NXPH2: variants seen among roughly 807,000 people sequenced by gnomAD.
NXPH2 encodes the protein neurexophilin 2, also known as neurexophilin-2.
Under a neutral mutation model 19.8 loss-of-function variants are expected in NXPH2, and 5 were observed. That is an observed-to-expected ratio of 0.25 (90% CI 0.13 to 0.53). The LOEUF is 0.53. NXPH2 is among the 20% of genes least tolerant of loss of function. The pLI, the probability that NXPH2 is intolerant of heterozygous loss-of-function variation, is 0.96. For synonymous variants in NXPH2, 154 were observed against 127.4 expected (o/e 1.21, Z -1.41); for missense variants, 289 against 322.8 (o/e 0.90, Z 0.80).
At chr2:138,751,655 C>A (rs1335519989) in intron 1 of NXPH2, among the ~76,000 whole-genome samples, 2 of 152,052 alleles carry the variant, frequency 1.3e-5, no homozygotes, top group African/African-American at 4.8e-5. Context: ...TATAATATAA[C>A]CATATTTCCT....
In NXPH2 at chr2:138,713,127, G is replaced by A. The variant is rs886661964; in HGVS notation, c.52-41462C>T. ...CTAAGTCCCAAGGGGCCTCCTTCTG[G>A]GAGAAGCCTGAATTGAAAGGCCATT... On this transcript the variant is annotated intron_variant, in intron 1 of 1. Transcript: ENST00000272641. 3.3e-5 allele frequency among the ~76,000 whole-genome samples: 5 copies of A among 152,280 alleles called. No homozygotes were observed. The South Asian group carries it at 1.0e-3, about 32-fold the overall frequency.
intron 1 of NXPH2, among the ~76,000 whole-genome samples, chr2:138,737,161 G>A (rs1173189467): frequency 2.6e-5 from 4 of 152,070 alleles, no homozygotes; most frequent in African/African-American, 9.7e-5. Context: ...TCTTTTTAGG[G>A]GCATCCTACT....
In NXPH2 at chr2:138,670,842, T is replaced by C; in HGVS notation, c.*80A>G. 1 of 1,440,918 alleles carries C rather than the reference T, an allele frequency of 6.9e-7. No homozygotes were observed. The highest frequency in any genetic ancestry group is 9.3e-7 in the Non-Finnish European group (1 of 1,072,064). The allele number at this position is 1,440,918 out of a possible 1,614,324, so 89.3% of individuals were successfully genotyped here. ...ACTGCCAGAAACAAAAGGGATCCTT[T>C]ATCATAAAGAGCTGGGCTTGTTTCT... On this transcript the variant is annotated 3_prime_UTR_variant, in exon 2 of 2. Coordinates refer to ENST00000272641, the MANE Select transcript of NXPH2 (RefSeq NM_007226.3).
At chr2:138,714,250 T>C (rs931295847) in intron 1 of NXPH2, among the ~76,000 whole-genome samples, 13 of 152,190 alleles carry the variant, frequency 8.5e-5, no homozygotes, top group African/African-American at 3.1e-4. Flanking sequence ...GCAAATAAAA[T>C]CTCAGCATAA....
chr2:138,778,358 C>A (rs10188629), intron 1 of NXPH2, among the ~76,000 whole-genome samples: 70,004 of 151,980 alleles, frequency 0.46, 16,664 homozygotes, highest in African/African-American at 0.57. Context: ...AAAGCAAATC[C>A]ATCAGTCCAT....
chr2:138,780,104 G>T, intron 1 of NXPH2, 87 bp downstream of exon 1: 1 of 1,350,186 alleles, frequency 7.4e-7, no homozygotes, highest in Non-Finnish European at 9.7e-7. Flanking sequence ...AGCAGGCCCA[G>T]GCTGGGCTCC....
At chr2:138,671,732 T>G (rs2104963145) in intron 1 of NXPH2, 67 bp from the exon 2 acceptor site, 1 of 1,448,810 alleles carries the variant, frequency 6.9e-7, no homozygotes, top group Middle Eastern at 1.8e-4. Flanking sequence ...CAAACTGAAG[T>G]CAAAGCGCAA....
chr2:138,724,458 G>T lies in NXPH2; in HGVS notation c.52-52793C>A, dbSNP rs563422291. ...TGTCAAATGGGGTGATTGTATGTGT[G>T]TGTGTGCATGCTTGTGTGCTTACAA... On this transcript the variant is annotated intron_variant, in intron 1 of 1. Coordinates refer to ENST00000272641, the MANE Select transcript of NXPH2 (RefSeq NM_007226.3). Among the ~76,000 whole-genome samples, 10 of 152,372 alleles carry T rather than the reference G, an allele frequency of 6.6e-5. No individual in the cohort carries two copies. The South Asian group carries it at 2.1e-3, about 32-fold the overall frequency.
intron 1 of NXPH2, among the ~76,000 whole-genome samples, chr2:138,776,615 TG>T (rs889561283): frequency 7.7e-5 from 9 of 116,588 alleles, no homozygotes; most frequent in Non-Finnish European, 1.1e-4. Flanking sequence ...GATATAGTGG[TG>T]TTTTTTTTTT....
chr2:138,712,412 G>A lies in NXPH2; in HGVS notation c.52-40747C>T, dbSNP rs115875708. Among the ~76,000 whole-genome samples the A allele has an allele frequency of 7.2e-3, 1,091 of 152,284 alleles. 12 individuals carry two copies. The highest frequency in any genetic ancestry group is 0.024 in the African/African-American group (992 of 41,544). On this transcript the variant is annotated intron_variant, in intron 1 of 1. Transcript: ENST00000272641. Reference sequence around the variant, plus strand: ...AACCTTAGGCCAAAGATCATTTCCTGTTTCTGGACTTCGGAGTTCTGTCCT... The same window carrying A: ...AACCTTAGGCCAAAGATCATTTCCTATTTCTGGACTTCGGAGTTCTGTCCT...
rs143510661 is a variant in NXPH2 at position 138,751,413 on chromosome 2, T to G, written c.51+28778A>C. 7.4e-4 allele frequency among the ~76,000 whole-genome samples: 113 copies of G among 152,308 alleles called. 1 individual carries two copies. The highest frequency in any genetic ancestry group is 2.6e-3 in the African/African-American group (107 of 41,578). ...ACATGAACTACATTATAACATCATCTCAAATAACTATGTGCTTTGAATTGC... is the reference window on the plus strand; with the variant it reads ...ACATGAACTACATTATAACATCATCGCAAATAACTATGTGCTTTGAATTGC... On this transcript the variant is annotated intron_variant, in intron 1 of 1. Coordinates refer to ENST00000272641, the MANE Select transcript of NXPH2 (RefSeq NM_007226.3).
chr2:138,748,917 C>T (rs377049781), intron 1 of NXPH2, among the ~76,000 whole-genome samples: 24 of 152,104 alleles, frequency 1.6e-4, no homozygotes, highest in African/African-American at 5.6e-4. Flanking sequence ...CAAAGAAAAG[C>T]AGTTTTGCAT....
intron 1 of NXPH2, among the ~76,000 whole-genome samples, chr2:138,753,197 A>G (rs1219973897): frequency 6.6e-6 from 1 of 152,162 alleles, no homozygotes; most frequent in Non-Finnish European, 1.5e-5. Flanking sequence ...AGTAAGGATA[A>G]ATGGTTATTG....
chr2:138,680,144 G>A (rs17651262), intron 1 of NXPH2, among the ~76,000 whole-genome samples: 42,986 of 152,020 alleles, frequency 0.28, 6,712 homozygotes, highest in Non-Finnish European at 0.36. Flanking sequence ...GGCATCAGGA[G>A]CATAAAAATG....
At position 138,751,083 on chromosome 2, in the gene NXPH2, C is replaced by A. The variant is rs560859493; in HGVS notation, c.51+29108G>T. On this transcript the variant is annotated intron_variant, in intron 1 of 1. Transcript: ENST00000272641. ...TGTGTTTCCTGCATAGCATCCTTTA[C>A]TGCCCAACAGTCTCCTAGAGACTTA... Among the ~76,000 whole-genome samples, 144 of 124,156 alleles carry A rather than the reference C, an allele frequency of 1.2e-3. No individual in the cohort carries two copies. The Middle Eastern group carries it at 0.045, about 38-fold the overall frequency. 81.5% of individuals were successfully genotyped at this position (124,156 alleles called of 152,430 possible). A position where few individuals can be genotyped will look rare whatever the true frequency, so the allele number is the denominator to read the frequency against.
chr2:138,761,211 G>C (rs918366308), intron 1 of NXPH2, among the ~76,000 whole-genome samples: 6 of 152,042 alleles, frequency 3.9e-5, no homozygotes, highest in Admixed American at 6.5e-5. Flanking sequence ...CCCTACCTGA[G>C]CTCTGCCTAA....
intron 1 of NXPH2, among the ~76,000 whole-genome samples, chr2:138,712,730 G>T (rs2104988756): frequency 6.6e-6 from 1 of 152,170 alleles, no homozygotes; most frequent in East Asian, 1.9e-4. Flanking sequence ...TGGCTATTGT[G>T]CCTCTGACCA....
intron 1 of NXPH2, among the ~76,000 whole-genome samples, chr2:138,676,011 T>A (rs1384404132): frequency 6.6e-6 from 1 of 151,940 alleles, no homozygotes; most frequent in African/African-American, 2.4e-5. Context: ...GCACTTTTTT[T>A]TAAAATTTGG....
intron 1 of NXPH2, among the ~76,000 whole-genome samples, chr2:138,735,006 C>A (rs1201126730): frequency 1.3e-5 from 2 of 152,046 alleles, no homozygotes; most frequent in African/African-American, 4.8e-5. Context: ...TGGGGTGTGA[C>A]CAAACAGGAA....
Sources: gnomAD v4.1 joint callset for allele counts (sites outside exome capture counted in the v4.1 genomes callset) on GRCh38, gnomAD v4.1.1 for gene constraint, MANE v1.5 for transcripts, NCBI Gene and HGNC (gene_info 2026-07-23, HGNC 2026-07-21) for gene names.